Variants in STXBP5L observed in about 807,000 individuals in gnomAD.
The protein encoded by STXBP5L is syntaxin-binding protein 5-like.
Under a neutral mutation model 144.5 loss-of-function variants are expected in STXBP5L, and 65 were observed. The ratio of observed to expected loss-of-function variants is 0.45; its 90% CI spans 0.37 to 0.55. The LOEUF is 0.55. Ranked by LOEUF, STXBP5L falls within the 20% of genes least tolerant of loss-of-function variation. The pLI is 0.00. For synonymous variants in STXBP5L, 505 were observed against 469.6 expected, an observed-to-expected ratio of 1.08 and a Z score of -0.97; for missense variants, 1,298 against 1,405.5, an observed-to-expected ratio of 0.92 and a Z score of 1.22.
chr3:121,108,418 A>T (rs778393208), intron 5 of STXBP5L, among the ~76,000 whole-genome samples: 20 of 152,212 alleles, frequency 1.3e-4, no homozygotes, highest in Admixed American at 5.9e-4. Flanking sequence ...AGTTTTTAAC[A>T]TGAAGAGATG....
chr3:121,147,270 A>G (rs1349195202), intron 7 of STXBP5L, among the ~76,000 whole-genome samples: 2 of 152,168 alleles, frequency 1.3e-5, no homozygotes, highest in African/African-American at 4.8e-5. Context: ...TTCTCTAACC[A>G]CAAGAGAATT....
chr3:121,284,375 A>G (rs1271491715), intron 19 of STXBP5L, among the ~76,000 whole-genome samples: 2 of 152,146 alleles, frequency 1.3e-5, no homozygotes, highest in Middle Eastern at 3.4e-3. Context: ...TCCTACCACC[A>G]TCAGAGCCCT....
At chr3:121,051,631 G>C (rs1948003546) in intron 5 of STXBP5L, among the ~76,000 whole-genome samples, 1 of 152,118 alleles carries the variant, frequency 6.6e-6, no homozygotes, top group African/African-American at 2.4e-5. Context: ...ACAAGAGAAA[G>C]CAGGAAAGAT....
At chr3:121,248,953 T>C (rs2049945995) in intron 14 of STXBP5L, among the ~76,000 whole-genome samples, 1 of 152,072 alleles carries the variant, frequency 6.6e-6, no homozygotes, top group Non-Finnish European at 1.5e-5. Context: ...GGTCACATGG[T>C]TGTAGGTGTG....
intron 3 of STXBP5L, among the ~76,000 whole-genome samples, chr3:121,032,018 T>C (rs1359851567): frequency 6.6e-6 from 1 of 152,080 alleles, no homozygotes; most frequent in East Asian, 1.9e-4. Context: ...TTGTGGTACA[T>C]GCAAGTAGAG....
chr3:120,962,670 C>G (rs568441011), intron 3 of STXBP5L, among the ~76,000 whole-genome samples: 281 of 152,164 alleles, frequency 1.8e-3, no homozygotes, highest in Non-Finnish European at 3.4e-3. Context: ...TGCTGTTTTG[C>G]TTACTGTAGC....
At chr3:121,392,118 C>G (rs920659345) in intron 22 of STXBP5L, among the ~76,000 whole-genome samples, 5 of 152,148 alleles carry the variant, frequency 3.3e-5, no homozygotes, top group African/African-American at 1.2e-4. Flanking sequence ...GGCAGACACC[C>G]CTCCCCAGCC....
chr3:120,950,802 T>A (rs1711169769), intron 2 of STXBP5L, among the ~76,000 whole-genome samples: 1 of 152,114 alleles, frequency 6.6e-6, no homozygotes, highest in South Asian at 2.1e-4. Context: ...TGGAAAAAAC[T>A]ACTTTAAAGT....
At chr3:121,058,438 A>C (rs1386475792) in intron 5 of STXBP5L, among the ~76,000 whole-genome samples, 1 of 152,148 alleles carries the variant, frequency 6.6e-6, no homozygotes, top group East Asian at 1.9e-4. Context: ...AAAAGCATGC[A>C]TGTGCATGTG....
intron 9 of STXBP5L, among the ~76,000 whole-genome samples, chr3:121,195,976 A>C (rs2047903284): frequency 6.6e-6 from 1 of 152,142 alleles, no homozygotes; most frequent in Non-Finnish European, 1.5e-5. Flanking sequence ...GAAATCAGAA[A>C]GTGGGATGCC....
chr3:121,034,553 T>TATCC (rs201153917), intron 3 of STXBP5L, among the ~76,000 whole-genome samples: 111 of 151,842 alleles, frequency 7.3e-4, no homozygotes, highest in African/African-American at 1.4e-3. Flanking sequence ...ATCATCTATC[T>TATCC]ATCCATCCAT....
chr3:121,191,147 G>A (rs1205092846), intron 9 of STXBP5L, among the ~76,000 whole-genome samples: 1 of 152,214 alleles, frequency 6.6e-6, no homozygotes, highest in Non-Finnish European at 1.5e-5. Flanking sequence ...TGGCGGCCGG[G>A]CAGAGGCTGC....
At chr3:121,327,951 G>A (rs189948719) in intron 20 of STXBP5L, among the ~76,000 whole-genome samples, 76 of 152,220 alleles carry the variant, frequency 5.0e-4, no homozygotes, top group Non-Finnish European at 8.1e-4. Flanking sequence ...AGTTTTTCAG[G>A]GTGTGAAGGA....
intron 5 of STXBP5L, among the ~76,000 whole-genome samples, chr3:121,055,846 G>A (rs958715525): frequency 4.0e-5 from 6 of 148,638 alleles, no homozygotes; most frequent in African/African-American, 1.5e-4. Flanking sequence ...TATGATGCCT[G>A]ACTAATGTTA....
chr3:121,153,243 G>C (rs563889821), intron 8 of STXBP5L, among the ~76,000 whole-genome samples: 2 of 152,062 alleles, frequency 1.3e-5, no homozygotes, highest in Admixed American at 1.3e-4. Context: ...TTAATTCCGG[G>C]CCATTAATTA....
At chr3:121,007,266 T>C (rs192795317) in intron 3 of STXBP5L, among the ~76,000 whole-genome samples, 74 of 152,216 alleles carry the variant, frequency 4.9e-4, no homozygotes, top group African/African-American at 1.7e-3. Flanking sequence ...ATCTATCTTA[T>C]ATATTGTTCT....
At chr3:121,089,447 G>T (rs550292206) in intron 5 of STXBP5L, among the ~76,000 whole-genome samples, 45 of 151,576 alleles carry the variant, frequency 3.0e-4, no homozygotes, top group African/African-American at 1.0e-3. Flanking sequence ...GGTCTCTGTG[G>T]TTTCTGATGA....
chr3:121,018,309 G>A (rs1394562421), intron 3 of STXBP5L, among the ~76,000 whole-genome samples: 1 of 152,020 alleles, frequency 6.6e-6, no homozygotes, highest in Non-Finnish European at 1.5e-5. Context: ...GTCATTACTG[G>A]ACTTCAAGTC....
At chr3:120,967,206 C>G (rs115222128) in intron 3 of STXBP5L, among the ~76,000 whole-genome samples, 1 of 152,066 alleles carries the variant, frequency 6.6e-6, no homozygotes, top group African/African-American at 2.4e-5. Flanking sequence ...AGTCTGTCAC[C>G]GCTTCCCTTG....
Sources: gnomAD v4.1 joint callset for allele counts (sites outside exome capture counted in the v4.1 genomes callset) on GRCh38, gnomAD v4.1.1 for gene constraint, MANE v1.5 for transcripts, NCBI Gene and HGNC (gene_info 2026-07-23, HGNC 2026-07-21) for gene names.